The following RBMS3 variants were observed in gnomAD, a reference collection of about 807,000 sequenced individuals.
The protein encoded by RBMS3 is RNA binding motif single stranded interacting protein 3, also known as RNA-binding motif, single-stranded-interacting protein 3.
RBMS3 carries 27 observed loss-of-function variants against 66.8 expected under a neutral mutation model. That is an observed-to-expected ratio of 0.40 (90% CI 0.30 to 0.56). The LOEUF is 0.56. RBMS3 is among the 20% of genes least tolerant of loss of function. The pLI, the probability that RBMS3 is intolerant of heterozygous loss-of-function variation, is 0.40. For synonymous variants in RBMS3, 188 were observed against 183.0 expected, an observed-to-expected ratio of 1.03 and a Z score of -0.22; for missense variants, 513 against 549.5, an observed-to-expected ratio of 0.93 and a Z score of 0.66.
chr3:29,382,586 A>C (rs2038814185), intron 1 of RBMS3, among the ~76,000 whole-genome samples: 1 of 152,224 alleles, frequency 6.6e-6, no homozygotes, highest in Admixed American at 6.5e-5. Context: ...GCACCGAAGC[A>C]CTGCAACTCA....
At chr3:29,841,276 A>G (rs1309781588) in intron 6 of RBMS3, among the ~76,000 whole-genome samples, 2 of 151,846 alleles carry the variant, frequency 1.3e-5, no homozygotes, top group Non-Finnish European at 2.9e-5. Context: ...TTTTTTCTTA[A>G]TCAGTACATT....
At chr3:29,382,321 A>G (rs2038798132) in intron 1 of RBMS3, among the ~76,000 whole-genome samples, 1 of 152,224 alleles carries the variant, frequency 6.6e-6, no homozygotes, top group African/African-American at 2.4e-5. Flanking sequence ...ATGGAGGCAG[A>G]GAGCAGTTAT....
At chr3:29,311,788 A>T (rs531923587) in intron 1 of RBMS3, among the ~76,000 whole-genome samples, 117 of 151,850 alleles carry the variant, frequency 7.7e-4, no homozygotes, top group African/African-American at 2.7e-3. Context: ...TTAGTGACCT[A>T]GGGGTGAAGG....
At chr3:29,975,980 AG>A (rs1697554801) in intron 12 of RBMS3, among the ~76,000 whole-genome samples, 1 of 151,960 alleles carries the variant, frequency 6.6e-6, no homozygotes, top group South Asian at 2.1e-4. Flanking sequence ...GAATATATTT[AG>A]GTCTTATTTA....
At chr3:29,459,819 C>A (rs1435864108) in intron 2 of RBMS3, among the ~76,000 whole-genome samples, 5 of 152,180 alleles carry the variant, frequency 3.3e-5, no homozygotes, top group Non-Finnish European at 5.9e-5. Flanking sequence ...TTTAGAGCCG[C>A]AATTTGCTAA....
At chr3:29,350,977 C>T (rs1182673884) in intron 1 of RBMS3, among the ~76,000 whole-genome samples, 9 of 151,828 alleles carry the variant, frequency 5.9e-5, no homozygotes, top group Admixed American at 5.9e-4. Flanking sequence ...AACAATTCTG[C>T]CTGCTTTTCT....
At chr3:29,517,627 A>C (rs1245109014) in intron 3 of RBMS3, among the ~76,000 whole-genome samples, 1 of 152,116 alleles carries the variant, frequency 6.6e-6, no homozygotes, top group Non-Finnish European at 1.5e-5. Flanking sequence ...CCGGCCCTAC[A>C]TGATCTCATA....
chr3:29,713,680 A>C lies in RBMS3; in HGVS notation c.400-26040A>C, dbSNP rs145988836. ...GTTTTATACTTTAATGCATTCTCAT[A>C]TACAGTGTCTCTGCTTCCTCCAAGC... On this transcript the variant is annotated intron_variant, in intron 4 of 14. Transcript: ENST00000383767. 1.7e-3 allele frequency among the ~76,000 whole-genome samples: 255 copies of C among 152,322 alleles called. 2 individuals are homozygous for C. Among genetic ancestry groups the C allele is most frequent in the African/African-American group, 5.9e-3 (247 of 41,588 alleles).
chr3:29,578,598 T>C (rs556926107), intron 3 of RBMS3, among the ~76,000 whole-genome samples: 1 of 152,116 alleles, frequency 6.6e-6, no homozygotes, highest in African/African-American at 2.4e-5. Flanking sequence ...TGCACAATTG[T>C]AGTTAGATAG....
chr3:29,530,038 G>T (rs1398924691), intron 3 of RBMS3, among the ~76,000 whole-genome samples: 1 of 152,008 alleles, frequency 6.6e-6, no homozygotes, highest in Admixed American at 6.6e-5. Flanking sequence ...ATATTTCATT[G>T]TCCTCTTGAG....
Position 29,941,161 on chromosome 3 carries a change from G to A in RBMS3, c.1051-3046G>A, listed in dbSNP as rs557937877. Among the ~76,000 whole-genome samples the A allele has an allele frequency of 7.2e-5, 11 of 151,846 alleles. No homozygotes were observed. The South Asian group carries it at 1.2e-3, about 17-fold the overall frequency. On this transcript the variant is annotated intron_variant, in intron 11 of 14. Coordinates refer to ENST00000383767, the MANE Select transcript of RBMS3 (RefSeq NM_001003793.3). ...GCCACTGATGATTTGTGATATCATC[G>A]ATTTCCACAGTGTAACCATAGTCAC...
intron 3 of RBMS3, among the ~76,000 whole-genome samples, chr3:29,575,474 G>A (rs111647318): frequency 3.9e-5 from 6 of 151,966 alleles, no homozygotes; most frequent in African/African-American, 1.5e-4. Flanking sequence ...ATGCCTTGAG[G>A]TAGTCTTCTT....
At chr3:29,738,467 C>A (rs111603028) in intron 4 of RBMS3, among the ~76,000 whole-genome samples, 5,387 of 152,156 alleles carry the variant, frequency 0.035, 129 homozygotes, top group Middle Eastern at 0.055. Context: ...ATTATTAATT[C>A]ATTATATAAA....
At chr3:29,293,877 T>G (rs1407280822) in intron 1 of RBMS3, among the ~76,000 whole-genome samples, 1 of 151,576 alleles carries the variant, frequency 6.6e-6, no homozygotes. Context: ...TTTCAGTCTT[T>G]TCTTTTTTTT....
intron 5 of RBMS3, among the ~76,000 whole-genome samples, chr3:29,744,743 C>G (rs1190829801): frequency 1.3e-5 from 2 of 148,618 alleles, no homozygotes; most frequent in Non-Finnish European, 3.0e-5. Flanking sequence ...GAGATCACAC[C>G]ATTGCACTCC....
At chr3:29,977,688 C>A (rs1338084186) in intron 12 of RBMS3, among the ~76,000 whole-genome samples, 1 of 152,108 alleles carries the variant, frequency 6.6e-6, no homozygotes, top group Non-Finnish European at 1.5e-5. Context: ...TAAAAACCAT[C>A]AAGCTGTTTA....
chr3:29,679,043 G>T (rs901228542), intron 4 of RBMS3, among the ~76,000 whole-genome samples: 1 of 152,000 alleles, frequency 6.6e-6, no homozygotes, highest in Non-Finnish European at 1.5e-5. Flanking sequence ...GCTCCAGATA[G>T]TCCTAGAATC....
intron 6 of RBMS3, among the ~76,000 whole-genome samples, chr3:29,862,019 T>C (rs780182776): frequency 6.6e-6 from 1 of 152,202 alleles, no homozygotes; most frequent in Non-Finnish European, 1.5e-5. Flanking sequence ...ATGAAAGTAA[T>C]TGGCACCATA....
chr3:29,412,494 T>C (rs1171671730), intron 1 of RBMS3, among the ~76,000 whole-genome samples: 2 of 152,210 alleles, frequency 1.3e-5, no homozygotes, highest in Admixed American at 1.3e-4. Context: ...AGGCAACATA[T>C]ACTTATCTAA....
Sources: gnomAD v4.1 joint callset for allele counts (sites outside exome capture counted in the v4.1 genomes callset) on GRCh38, gnomAD v4.1.1 for gene constraint, MANE v1.5 for transcripts, NCBI Gene and HGNC (gene_info 2026-07-23, HGNC 2026-07-21) for gene names.